The following TIMELESS variants were observed in gnomAD, a reference collection of about 807,000 sequenced individuals.
The protein encoded by TIMELESS is timeless circadian regulator, also known as protein timeless homolog.
TIMELESS carries 124 observed loss-of-function variants against 164.3 expected under a neutral mutation model. That is an observed-to-expected ratio of 0.75 (90% CI 0.65 to 0.88). The LOEUF (loss-of-function observed/expected upper bound fraction) is 0.88. TIMELESS is among the 40% of genes least tolerant of loss of function. The probability of loss-of-function intolerance (pLI) is 0.00; values close to 1 mark genes in which losing one functional copy is unlikely to be tolerated. For synonymous variants in TIMELESS, 564 were observed against 563.4 expected, an observed-to-expected ratio of 1.00 and a Z score of -0.02; for missense variants, 1,422 against 1,491.4, an observed-to-expected ratio of 0.95 and a Z score of 0.77.
chr12:56,434,001 A>T (rs1881986391), intron 2 of TIMELESS, 73 bp downstream of exon 2: 2 of 1,609,646 alleles, frequency 1.2e-6, no homozygotes, highest in Middle Eastern at 1.7e-4. Flanking sequence ...TTTCACACCC[A>T]TGGTTTGAGG....
intron 1 of TIMELESS, among the ~76,000 whole-genome samples, chr12:56,441,910 C>T (rs369847993): frequency 6.6e-6 from 1 of 151,852 alleles, no homozygotes; most frequent in Admixed American, 6.6e-5. Context: ...GATGAAACCC[C>T]GTCTCTACTA....
intron 1 of TIMELESS, among the ~76,000 whole-genome samples, chr12:56,447,176 ATTTTTGTTTT>A (rs1868366593): frequency 1.1e-5 from 1 of 88,752 alleles, no homozygotes. Context: ...TACCCAGCTA[ATTTTTGTTTT>A]TTTTTTTTTT....
chr12:56,429,092 C>A lies in TIMELESS; in HGVS notation c.1095G>T (p.Leu365=), dbSNP rs1215537143. 26 of 1,612,904 alleles carry A rather than the reference C, an allele frequency of 1.6e-5. No individual in the cohort carries two copies. The highest frequency in any genetic ancestry group is 2.2e-5 in the Non-Finnish European group (26 of 1,179,790). The change falls in exon 11 of 29, where the codon CTG becomes CTT. Residue 365 remains leucine (L), a synonymous_variant. Coordinates refer to ENST00000553532, the MANE Select transcript of TIMELESS (RefSeq NM_003920.5). ...CATGCTGCTGAGCTTTCTCCCGAAG[C>A]AGGTGATCCTGACATTTAAAAAAGA... The part of the protein sequence containing the change: ...NRLMGSVKDH[L]LREKAQQHDE...
intron 1 of TIMELESS, among the ~76,000 whole-genome samples, chr12:56,435,626 A>T (rs11171849): frequency 6.6e-6 from 1 of 151,708 alleles, no homozygotes; most frequent in African/African-American, 2.4e-5. Flanking sequence ...CAACTTTGCC[A>T]ACATGGTGAA....
chr12:56,427,732 C>G lies in TIMELESS; in HGVS notation c.1578+504G>C, dbSNP rs112149630. ...CTGGGATTACAGGTGTGCATCAACA[C>G]GCCTGGCTAATTTTTGTATTTTTAG... On this transcript the variant is annotated intron_variant, in intron 13 of 28. Transcript: ENST00000553532. 1.4e-4 allele frequency among the ~76,000 whole-genome samples: 21 copies of G among 152,122 alleles called. No individual in the cohort carries two copies. The East Asian group carries it at 4.1e-3, about 29-fold the overall frequency.
chr12:56,420,048 A>ATATATATATATATATGTG (rs1473074484), intron 26 of TIMELESS, among the ~76,000 whole-genome samples: 13 of 87,320 alleles, frequency 1.5e-4, no homozygotes, highest in South Asian at 1.2e-3. Context: ...ATATATATAT[A>ATATATATATATATATGTG]TGTGTGTGTG....
In TIMELESS at chr12:56,428,894, G is replaced by C; in HGVS notation, c.1293C>G (p.Ser431=). ...ACCATCCCACTCACCGGCGTGCCCAGGAGGCAGCTTCCTTGCGGTCAGTCA... is the reference window on the plus strand; with the variant it reads ...ACCATCCCACTCACCGGCGTGCCCACGAGGCAGCTTCCTTGCGGTCAGTCA... ...MMLTDRKEAA[S]WARRMHLALK... is the part of the protein sequence containing the mutation. Residue 431 remains serine (S), a synonymous_variant, in exon 11 of 29, where the codon TCC becomes TCG. Transcript: ENST00000553532. 2 of 1,613,774 alleles carry C rather than the reference G, an allele frequency of 1.2e-6. No homozygotes were observed. Among genetic ancestry groups the C allele is most frequent in the Non-Finnish European group, 1.7e-6 (2 of 1,180,032 alleles).
rs753963059 is a variant in TIMELESS, at chr12:56,420,565, T to C, written c.3228+4A>G. The C allele has an allele frequency of 6.2e-7, 1 of 1,612,962 alleles. No individual in the cohort carries two copies. Among genetic ancestry groups the C allele is most frequent in the Non-Finnish European group, 8.5e-7 (1 of 1,178,958 alleles). Reference sequence around the variant, plus strand: ...TTGGTTGACACTGTAACTGACATATTTACCTGCCCAGAGGCAGGGGGCCGA... The same window carrying C: ...TTGGTTGACACTGTAACTGACATATCTACCTGCCCAGAGGCAGGGGGCCGA... On this transcript the variant is annotated splice_donor_region_variant and intron_variant, in intron 26 of 28. Transcript: ENST00000553532.
intron 3 of TIMELESS, 33 bp from the exon 4 acceptor site, chr12:56,433,685 A>G (rs999290992): frequency 6.2e-6 from 10 of 1,613,826 alleles, no homozygotes; most frequent in Admixed American, 5.0e-5. Flanking sequence ...GAAGTTGTTA[A>G]GTTTCTTTAC....
rs1420947374 is a variant in TIMELESS at position 56,433,856 on chromosome 12, C to T, written c.168G>A (p.Gly56=). 3 of 1,614,118 alleles carry T rather than the reference C, an allele frequency of 1.9e-6. No homozygotes were observed. In the African/African-American group the frequency reaches 4.0e-5, roughly 22 times the overall value. Residue 56 remains glycine (G), a synonymous_variant, in exon 3 of 29, where the codon GGG becomes GGA. Coordinates refer to ENST00000553532, the MANE Select transcript of TIMELESS (RefSeq NM_003920.5). ...DETRDVRQQL[G]AAQILQSDLL... ...GGTCGCTCTGTAGGATCTGGGCTGCCCCCAGCTGCTGCCGCACATCTCGTG... is the reference window on the plus strand; with the variant it reads ...GGTCGCTCTGTAGGATCTGGGCTGCTCCCAGCTGCTGCCGCACATCTCGTG...
intron 1 of TIMELESS, among the ~76,000 whole-genome samples, chr12:56,446,073 T>G (rs59339542): frequency 0.074 from 11,179 of 152,080 alleles, 1,336 homozygotes; most frequent in African/African-American, 0.25. Context: ...CCCTGCTAAT[T>G]TTTGTATTTT....
chr12:56,442,167 C>T (rs147430082), intron 1 of TIMELESS, among the ~76,000 whole-genome samples: 34 of 123,880 alleles, frequency 2.7e-4, no homozygotes, highest in African/African-American at 8.6e-4. Context: ...TAAGGCAGTA[C>T]AAGCTCTAAA....
In TIMELESS at chr12:56,417,868, G is replaced by A. The variant is rs750970103; in HGVS notation, c.3556+39C>T. On this transcript the variant is annotated intron_variant, in intron 28 of 28. Coordinates refer to ENST00000553532, the MANE Select transcript of TIMELESS (RefSeq NM_003920.5). ...AGGACGTGGTAGAGTTTGTCTTCAG[G>A]ATTAGAGAAGAAAAAGAAGGTCCCA... 3.1e-6 allele frequency: 5 copies of A among 1,613,334 alleles called. No homozygotes were observed. The South Asian group carries it at 5.5e-5, about 18-fold the overall frequency.
At chr12:56,441,959 C>T (rs1283566986) in intron 1 of TIMELESS, among the ~76,000 whole-genome samples, 2 of 151,630 alleles carry the variant, frequency 1.3e-5, no homozygotes, top group Non-Finnish European at 2.9e-5. Flanking sequence ...TGGCGGGTGC[C>T]TGTAATCCCA....
intron 26 of TIMELESS, among the ~76,000 whole-genome samples, chr12:56,420,006 CAAAAAAAAAAAAAAA>C (rs57647901): frequency 7.5e-5 from 1 of 13,296 alleles, no homozygotes; most frequent in Non-Finnish European, 1.1e-4. Context: ...GACTCTGTCT[CAAAAAAAAAAAAAAA>C]AAAAAAAAAT....
chr12:56,425,080 A>G lies in TIMELESS; in HGVS notation c.1651T>C (p.Ser551Pro). ...DQAIVSGNVP[S>P]SPEEVEAVWP... ...ACAGCCTCCACTTCTTCTGGGCTAG[A>G]TGGGACATTACCAGAAACAATGGCC... The change falls in exon 14 of 29, where the codon TCT becomes CCT. Residue 551 changes from serine (S) to proline (P), a missense_variant. Coordinates refer to ENST00000553532, the MANE Select transcript of TIMELESS (RefSeq NM_003920.5). 1 of 1,614,178 alleles carries G rather than the reference A, an allele frequency of 6.2e-7. No homozygotes were observed. Among genetic ancestry groups the G allele is most frequent in the Non-Finnish European group, 8.5e-7 (1 of 1,180,042 alleles).
intron 1 of TIMELESS, among the ~76,000 whole-genome samples, chr12:56,436,274 T>C (rs1196278354): frequency 1.3e-5 from 2 of 151,940 alleles, no homozygotes; most frequent in Non-Finnish European, 2.9e-5. Context: ...ACCAACATGG[T>C]GAAACACTGT....
In TIMELESS at chr12:56,423,923, C is replaced by T. The variant is rs768776709; in HGVS notation, c.1869-29G>A. ...GAGCACAGATAGAAAAAAGGCTTTA[C>T]CCAGGGGAAATCTGGCTTTAAATTT... On this transcript the variant is annotated intron_variant, in intron 15 of 28. Transcript: ENST00000553532. 6.9e-6 allele frequency: 11 copies of T among 1,588,534 alleles called. No homozygotes were observed. In the South Asian group the frequency reaches 8.9e-5, roughly 13 times the overall value.
Position 56,433,066 on chromosome 12 carries a change from C to T in TIMELESS, c.491G>A (p.Arg164Lys). 6.2e-7 allele frequency: 1 copy of T among 1,609,972 alleles called. No homozygotes were observed. Among genetic ancestry groups the T allele is most frequent in the Non-Finnish European group, 8.5e-7 (1 of 1,177,664 alleles). ...GTCAGCTGGGACATGGAGAATATTT[C>T]TGACCAGCAGTAGGATCCGTTCAAT... ...LLIERILLLV[R>K]NILHVPADLD... Residue 164 changes from arginine to lysine, a missense_variant, in exon 6 of 29, where the codon AGA (arginine) becomes AAA (lysine). By Grantham distance (26) the Arg-to-Lys change is conservative. Transcript: ENST00000553532.
Sources: gnomAD v4.1 joint callset for allele counts (sites outside exome capture counted in the v4.1 genomes callset) on GRCh38, gnomAD v4.1.1 for gene constraint, MANE v1.5 for transcripts, NCBI Gene and HGNC (gene_info 2026-07-23, HGNC 2026-07-21) for gene names.